The following ADAMTSL1 variants were observed in gnomAD, a reference collection of about 807,000 sequenced individuals.
ADAMTSL1 encodes the protein ADAMTS-like protein 1.
In ADAMTSL1, 126 loss-of-function variants were observed where a neutral mutation model predicts 201.8. The ratio of observed to expected loss-of-function variants is 0.62; its 90% confidence interval spans 0.54 to 0.72. The LOEUF (loss-of-function observed/expected upper bound fraction) is 0.72. ADAMTSL1 is among the 30% of genes least tolerant of loss of function. ADAMTSL1 has a pLI of 0.00. For missense variants in ADAMTSL1, 2,679 were observed against 2,277.8 expected (o/e 1.18, Z -3.59); for synonymous variants, 1,121 against 903.4 (o/e 1.24, Z -4.32).
At chr9:18,159,317 T>C (rs1827288694) in intron 1 of ADAMTSL1, among the ~76,000 whole-genome samples, 1 of 151,990 alleles carries the variant, frequency 6.6e-6, no homozygotes, top group South Asian at 2.1e-4. Flanking sequence ...GTCCTACCCA[T>C]GAGACATGAG....
intron 2 of ADAMTSL1, among the ~76,000 whole-genome samples, chr9:18,371,395 G>A (rs938368377): frequency 6.6e-6 from 1 of 152,160 alleles, no homozygotes; most frequent in Non-Finnish European, 1.5e-5. Context: ...ATATCACATT[G>A]CAAGCTGCAT....
At chr9:18,660,202 G>C (rs1279671293) in intron 8 of ADAMTSL1, among the ~76,000 whole-genome samples, 1 of 152,196 alleles carries the variant, frequency 6.6e-6, no homozygotes. Flanking sequence ...AGACTGTTCT[G>C]AGTGAAGATG....
At chr9:18,314,584 T>A (rs925994326) in intron 2 of ADAMTSL1, among the ~76,000 whole-genome samples, 3 of 151,666 alleles carry the variant, frequency 2.0e-5, no homozygotes. Flanking sequence ...GAGTTGTTCA[T>A]CCCTCCCAGT....
chr9:18,532,582 T>C (rs1316808734), intron 2 of ADAMTSL1, among the ~76,000 whole-genome samples: 2 of 151,992 alleles, frequency 1.3e-5, no homozygotes, highest in Non-Finnish European at 2.9e-5. Context: ...CTCCAAAAAA[T>C]TTTAAGTGGA....
intron 1 of ADAMTSL1, among the ~76,000 whole-genome samples, chr9:18,023,584 G>T (rs868053143): frequency 6.6e-6 from 1 of 152,144 alleles, no homozygotes; most frequent in Non-Finnish European, 1.5e-5. Context: ...CCCGTGGATG[G>T]AGCAGAGTAG....
At chr9:18,302,162 A>G (rs1217902163) in intron 2 of ADAMTSL1, among the ~76,000 whole-genome samples, 3 of 152,170 alleles carry the variant, frequency 2.0e-5, no homozygotes, top group Non-Finnish European at 4.4e-5. Context: ...CATTCCAACA[A>G]TTCTTTATGC....
At chr9:18,448,721 C>T (rs886356889) in intron 2 of ADAMTSL1, among the ~76,000 whole-genome samples, 3 of 151,844 alleles carry the variant, frequency 2.0e-5, no homozygotes, top group South Asian at 2.1e-4. Context: ...GCTATCATAA[C>T]GTAGTATATT....
In ADAMTSL1 at chr9:18,303,983, C is replaced by T. The variant is rs115334930; in HGVS notation, c.207+140002C>T. On this transcript the variant is annotated intron_variant, in intron 2 of 29. Transcript: ENST00000680146. Reference sequence around the variant, plus strand: ...ACAGCTCCCTTCCCAGAGCTCTCCACCCGTTCCGACAGTTACACTGCTCTG... The same window carrying T: ...ACAGCTCCCTTCCCAGAGCTCTCCATCCGTTCCGACAGTTACACTGCTCTG... Among the ~76,000 whole-genome samples the T allele has an allele frequency of 5.5e-3, 838 of 152,220 alleles. 8 individuals are homozygous for T. The highest frequency in any genetic ancestry group is 0.019 in the African/African-American group (809 of 41,528).
At chr9:18,046,407 A>T (rs1821660623) in intron 1 of ADAMTSL1, among the ~76,000 whole-genome samples, 1 of 152,164 alleles carries the variant, frequency 6.6e-6, no homozygotes, top group Non-Finnish European at 1.5e-5. Flanking sequence ...CAGCAGGAAG[A>T]AAAGTAAAGA....
intron 9 of ADAMTSL1, among the ~76,000 whole-genome samples, chr9:18,668,524 G>T (rs376851809): frequency 8.9e-4 from 135 of 152,242 alleles, no homozygotes; most frequent in African/African-American, 3.0e-3. Context: ...TGAGTTAATA[G>T]AGTAGGTATT....
At chr9:18,436,121 T>A (rs557935004) in intron 2 of ADAMTSL1, among the ~76,000 whole-genome samples, 1 of 151,832 alleles carries the variant, frequency 6.6e-6, no homozygotes, top group Non-Finnish European at 1.5e-5. Context: ...CCCTGGAGGG[T>A]TTGCAGGGGT....
chr9:18,599,028 C>T (rs1824454388), intron 4 of ADAMTSL1, among the ~76,000 whole-genome samples: 1 of 152,092 alleles, frequency 6.6e-6, no homozygotes, highest in African/African-American at 2.4e-5. Flanking sequence ...ATTTCTGTCT[C>T]CTCCCTACTC....
intron 2 of ADAMTSL1, among the ~76,000 whole-genome samples, chr9:18,272,817 CT>C (rs1247087092): frequency 6.6e-6 from 1 of 152,198 alleles, no homozygotes; most frequent in Non-Finnish European, 1.5e-5. Context: ...TCCGTGAAGC[CT>C]TTCCTTAGTA....
At chr9:18,338,444 T>A (rs1327466330) in intron 2 of ADAMTSL1, among the ~76,000 whole-genome samples, 1 of 150,854 alleles carries the variant, frequency 6.6e-6, no homozygotes, top group Non-Finnish European at 1.5e-5. Flanking sequence ...TCCCCTTTTC[T>A]GTTTTTGGCT....
At chr9:18,295,054 C>A (rs530145194) in intron 2 of ADAMTSL1, among the ~76,000 whole-genome samples, 1 of 152,056 alleles carries the variant, frequency 6.6e-6, no homozygotes, top group Non-Finnish European at 1.5e-5. Flanking sequence ...ATCCCATTTC[C>A]TCTTGCTGTA....
intron 2 of ADAMTSL1, among the ~76,000 whole-genome samples, chr9:18,379,262 T>A (rs776142106): frequency 6.6e-6 from 1 of 152,206 alleles, no homozygotes; most frequent in East Asian, 1.9e-4. Flanking sequence ...AGGAAACAGA[T>A]GGATTTCAAA....
At chr9:18,210,308 TTTAA>T (rs1293734790) in intron 2 of ADAMTSL1, among the ~76,000 whole-genome samples, 3 of 150,330 alleles carry the variant, frequency 2.0e-5, no homozygotes, top group East Asian at 3.9e-4. Flanking sequence ...TCATTAAAAT[TTTAA>T]TTAATTCATT....
At chr9:17,978,737 T>C (rs759485569) in intron 1 of ADAMTSL1, among the ~76,000 whole-genome samples, 17 of 152,124 alleles carry the variant, frequency 1.1e-4, no homozygotes, top group Non-Finnish European at 2.2e-4. Flanking sequence ...TAGAGTATTA[T>C]GAATTTTTCT....
chr9:18,038,639 C>A (rs1195215306), intron 1 of ADAMTSL1, among the ~76,000 whole-genome samples: 1 of 152,130 alleles, frequency 6.6e-6, no homozygotes, highest in Non-Finnish European at 1.5e-5. Context: ...ACTAGCATTA[C>A]CTAAGGGAGG....
Sources: gnomAD v4.1 joint callset for allele counts (sites outside exome capture counted in the v4.1 genomes callset) on GRCh38, gnomAD v4.1.1 for gene constraint, MANE v1.5 for transcripts, NCBI Gene and HGNC (gene_info 2026-07-23, HGNC 2026-07-21) for gene names.